The following PTPN13 variants were observed in gnomAD, a reference collection of about 807,000 sequenced individuals.
The protein encoded by PTPN13 is protein tyrosine phosphatase non-receptor type 13, also known as tyrosine-protein phosphatase non-receptor type 13.
In PTPN13, 191 loss-of-function variants were observed where a neutral mutation model predicts 284.0. That is an observed-to-expected ratio of 0.67 (90% confidence interval 0.60 to 0.76). PTPN13 has a LOEUF of 0.76. Ranked by LOEUF, PTPN13 falls within the 30% of genes least tolerant of loss-of-function variation. The probability of loss-of-function intolerance (pLI) is 0.00; values close to 1 mark genes in which losing one functional copy is unlikely to be tolerated. For missense variants in PTPN13, 2,797 were observed against 2,939.9 expected (o/e 0.95, Z 1.12); for synonymous variants, 986 against 1,022.3 (o/e 0.96, Z 0.68).
At chr4:86,616,180 C>T (rs1227024435) in intron 1 of PTPN13, among the ~76,000 whole-genome samples, 1 of 152,214 alleles carries the variant, frequency 6.6e-6, no homozygotes, top group Non-Finnish European at 1.5e-5. Context: ...GACAAAATCT[C>T]TGTCCTCATT....
chr4:86,797,860 A>G (rs893920046), intron 41 of PTPN13, among the ~76,000 whole-genome samples: 10 of 152,096 alleles, frequency 6.6e-5, no homozygotes, highest in Non-Finnish European at 7.4e-5. Flanking sequence ...TTACAAAAAT[A>G]TATATGAGGG....
intron 15 of PTPN13, among the ~76,000 whole-genome samples, chr4:86,739,982 G>A (rs1014705817): frequency 6.6e-6 from 1 of 152,254 alleles, no homozygotes; most frequent in Admixed American, 6.5e-5. Flanking sequence ...TCAAGCTGAT[G>A]CAAGAGGTGG....
chr4:86,798,384 A>G lies in PTPN13; in HGVS notation c.6402-717A>G, dbSNP rs569783175. The stretch of plus-strand genomic sequence containing the variant: ...AAGCAGCGTAATTGCTGCCCTGTTG[A>G]CATTTTGGGAGCATTAGTCCATGTC... On this transcript the variant is annotated intron_variant, in intron 41 of 47. Transcript: ENST00000411767. Among the ~76,000 whole-genome samples, 3 of 152,312 alleles carry G rather than the reference A, an allele frequency of 2.0e-5. No homozygotes were observed. In the East Asian group the frequency reaches 5.8e-4, roughly 29 times the overall value.
chr4:86,665,932 T>C (rs1727016288), intron 2 of PTPN13, among the ~76,000 whole-genome samples: 2 of 152,200 alleles, frequency 1.3e-5, no homozygotes, highest in African/African-American at 4.8e-5. Flanking sequence ...TATTAGATAA[T>C]AATAGTCACC....
At chr4:86,714,795 C>G (rs928916353) in intron 7 of PTPN13, among the ~76,000 whole-genome samples, 4 of 152,092 alleles carry the variant, frequency 2.6e-5, no homozygotes, top group Non-Finnish European at 4.4e-5. Flanking sequence ...ACTTGCTAGA[C>G]TAGGTACTAG....
chr4:86,813,644 C>A (rs1221844760), intron 47 of PTPN13, among the ~76,000 whole-genome samples: 1 of 152,090 alleles, frequency 6.6e-6, no homozygotes, highest in Non-Finnish European at 1.5e-5. Flanking sequence ...CCAGGCTGGT[C>A]TTGAACTCCT....
chr4:86,736,701 C>T (rs996471123), intron 15 of PTPN13, among the ~76,000 whole-genome samples: 3 of 152,148 alleles, frequency 2.0e-5, no homozygotes, highest in Admixed American at 6.5e-5. Context: ...CAGATTGGCA[C>T]AGTGAAAAGA....
intron 45 of PTPN13, among the ~76,000 whole-genome samples, chr4:86,808,362 G>A (rs1486008134): frequency 2.0e-5 from 3 of 152,162 alleles, no homozygotes; most frequent in Non-Finnish European, 4.4e-5. Flanking sequence ...CATTCATACT[G>A]CAGTTACCTA....
Position 86,701,923 on chromosome 4 carries a change from G to C in PTPN13, c.1195+122G>C, listed in dbSNP as rs1250914114. On this transcript the variant is annotated intron_variant, in intron 7 of 47. Transcript: ENST00000411767. ...TTCACTGCCAAATTTTTGTACCCTG[G>C]TTAGTCTCTTACTTCTCTGTCAATT... 4 of 932,630 alleles carry C rather than the reference G, an allele frequency of 4.3e-6. No individual in the cohort carries two copies. In the Admixed American group the frequency reaches 9.0e-5, roughly 21 times the overall value. 57.8% of individuals were successfully genotyped at this position (932,630 alleles called of 1,614,324 possible).
intron 2 of PTPN13, among the ~76,000 whole-genome samples, chr4:86,642,877 A>C (rs1723977277): frequency 6.6e-6 from 1 of 152,310 alleles, no homozygotes; most frequent in Admixed American, 6.5e-5. Context: ...CTACATAATA[A>C]AAAAATGCTA....
intron 35 of PTPN13, among the ~76,000 whole-genome samples, chr4:86,776,091 A>G (rs1312806240): frequency 3.3e-5 from 5 of 152,052 alleles, no homozygotes; most frequent in Admixed American, 1.3e-4. Flanking sequence ...GATTACAGGC[A>G]CCCGCCACCA....
At chr4:86,788,686 A>G (rs1274667722) in intron 40 of PTPN13, among the ~76,000 whole-genome samples, 2 of 152,188 alleles carry the variant, frequency 1.3e-5, no homozygotes, top group Non-Finnish European at 2.9e-5. Context: ...ACTATAAATT[A>G]TTGTCTACAG....
At chr4:86,655,039 T>C (rs1725587910) in intron 2 of PTPN13, among the ~76,000 whole-genome samples, 1 of 152,188 alleles carries the variant, frequency 6.6e-6, no homozygotes, top group South Asian at 2.1e-4. Flanking sequence ...TTAAAGTCTG[T>C]TTTATCAGAG....
At chr4:86,640,228 TTAATC>T (rs1723623180) in intron 2 of PTPN13, among the ~76,000 whole-genome samples, 1 of 152,218 alleles carries the variant, frequency 6.6e-6, no homozygotes, top group African/African-American at 2.4e-5. Context: ...ATTTATTCAT[TTAATC>T]TAATATCACT....
intron 37 of PTPN13, among the ~76,000 whole-genome samples, chr4:86,782,648 A>AAGG (rs1197168987): frequency 6.6e-6 from 1 of 152,210 alleles, no homozygotes; most frequent in Non-Finnish European, 1.5e-5. Flanking sequence ...GTAACCTTCA[A>AAGG]GTTCAAATCT....
intron 19 of PTPN13, 41 bp from the exon 20 acceptor site, chr4:86,752,968 G>T: frequency 6.9e-7 from 1 of 1,444,226 alleles, no homozygotes; most frequent in South Asian, 1.3e-5. Context: ...TCTAGCATCT[G>T]ACCATCTTAT....
intron 19 of PTPN13, among the ~76,000 whole-genome samples, chr4:86,751,365 C>CA (rs1201151383): frequency 6.6e-6 from 1 of 152,154 alleles, no homozygotes; most frequent in Non-Finnish European, 1.5e-5. Flanking sequence ...CTTACTCTGT[C>CA]ACCCAGTCTG....
chr4:86,691,989 A>T (rs1363791007), intron 5 of PTPN13, among the ~76,000 whole-genome samples: 3 of 152,198 alleles, frequency 2.0e-5, no homozygotes, highest in Admixed American at 2.0e-4. Flanking sequence ...AATAATAATA[A>T]TATGTGTCAA....
At chr4:86,644,667 C>A (rs2148775014) in intron 2 of PTPN13, among the ~76,000 whole-genome samples, 1 of 152,104 alleles carries the variant, frequency 6.6e-6, no homozygotes, top group Admixed American at 6.5e-5. Flanking sequence ...AACTACAAAC[C>A]AATATGTCTT....
Sources: gnomAD v4.1 joint callset for allele counts (sites outside exome capture counted in the v4.1 genomes callset) on GRCh38, gnomAD v4.1.1 for gene constraint, MANE v1.5 for transcripts, NCBI Gene and HGNC (gene_info 2026-07-23, HGNC 2026-07-21) for gene names.